Variants in PTER observed in about 807,000 individuals in gnomAD.
PTER encodes N-acetyltaurine hydrolase.
A neutral mutation model predicts 29.6 loss-of-function variants in PTER; 38 were observed. The observed-to-expected ratio is 1.28, with a 90% CI of 0.99 to 1.68. The LOEUF (loss-of-function observed/expected upper bound fraction) is 1.68, where lower values mean the gene tolerates loss of function less well. Among genes scored for constraint, PTER ranks in the 40% most tolerant of loss-of-function variants. The pLI, the probability that PTER is intolerant of heterozygous loss-of-function variation, is 0.00. For missense variants in PTER, 482 were observed against 427.8 expected (o/e 1.13, Z -1.12); for synonymous variants, 172 against 154.5 (o/e 1.11, Z -0.84).
At chr10:16,458,109 A>G (rs1834477939) in intron 1 of PTER, among the ~76,000 whole-genome samples, 1 of 152,246 alleles carries the variant, frequency 6.6e-6, no homozygotes, top group Non-Finnish European at 1.5e-5. Context: ...AAACAAAACA[A>G]AAGAAACCCT....
rs117118213 is a variant in PTER at position 16,447,990 on chromosome 10, A to T, written c.-49+10943A>T. ...TTGATGATGGAATGCTGCTGTGTAC[A>T]CCCTACTTTCTGGTTGGATGGGTCA... On this transcript the variant is annotated intron_variant, in intron 1 of 4. Coordinates refer to ENST00000535784, the MANE Select transcript of PTER (RefSeq NM_001261836.2). Among the ~76,000 whole-genome samples the T allele has an allele frequency of 2.9e-3, 436 of 152,184 alleles. 6 individuals carry two copies. The East Asian group carries it at 0.047, about 16-fold the overall frequency.
At chr10:16,500,848 C>T (rs1836308970) in intron 3 of PTER, among the ~76,000 whole-genome samples, 1 of 152,028 alleles carries the variant, frequency 6.6e-6, no homozygotes, top group African/African-American at 2.4e-5. Flanking sequence ...TCAAGCAATC[C>T]TCCTCACTCA....
chr10:16,462,010 A>C (rs1310746354), intron 1 of PTER, among the ~76,000 whole-genome samples: 1 of 150,280 alleles, frequency 6.7e-6, no homozygotes, highest in East Asian at 1.9e-4. Context: ...TTTGAGACGA[A>C]GTCTTGCTCT....
intron 1 of PTER, among the ~76,000 whole-genome samples, chr10:16,453,075 A>G (rs1834272336): frequency 6.6e-6 from 1 of 152,078 alleles, no homozygotes; most frequent in African/African-American, 2.4e-5. Flanking sequence ...TTAATATAAT[A>G]GAGATGGGGT....
intron 1 of PTER, among the ~76,000 whole-genome samples, chr10:16,457,185 C>T (rs1166946011): frequency 6.6e-6 from 1 of 151,384 alleles, no homozygotes; most frequent in African/African-American, 2.4e-5. Flanking sequence ...ATACGTTTAA[C>T]CCTTTAGTTG....
intron 3 of PTER, among the ~76,000 whole-genome samples, chr10:16,502,287 C>T (rs1172445438): frequency 2.6e-5 from 4 of 152,116 alleles, no homozygotes; most frequent in Non-Finnish European, 4.4e-5. Context: ...TACCTCTTCC[C>T]GCTTACATTA....
At chr10:16,440,592 C>T (rs575555416) in intron 1 of PTER, among the ~76,000 whole-genome samples, 24 of 152,272 alleles carry the variant, frequency 1.6e-4, no homozygotes, top group Admixed American at 4.6e-4. Context: ...GGTATGTCCA[C>T]GTGACTTGTT....
At chr10:16,488,954 A>G (rs912633728) in intron 3 of PTER, among the ~76,000 whole-genome samples, 5 of 152,170 alleles carry the variant, frequency 3.3e-5, no homozygotes, top group African/African-American at 9.7e-5. Context: ...TCCTGAATGT[A>G]AGGATGTACC....
intron 1 of PTER, among the ~76,000 whole-genome samples, chr10:16,462,966 T>G (rs897667662): frequency 8.0e-5 from 12 of 150,108 alleles, no homozygotes; most frequent in Non-Finnish European, 1.5e-4. Context: ...GGCCGAGGAG[T>G]GCAAATCACA....
chr10:16,506,415 G>C (rs1836568048), intron 4 of PTER, among the ~76,000 whole-genome samples: 1 of 152,170 alleles, frequency 6.6e-6, no homozygotes, highest in South Asian at 2.1e-4. Flanking sequence ...AATGAGTCCA[G>C]GGAAGTGGTG....
chr10:16,511,361 A>G lies in PTER; in HGVS notation c.*105A>G. 9.6e-7 allele frequency: 1 copy of G among 1,038,158 alleles called. No individual in the cohort carries two copies. The allele number at this position is 1,038,158 out of a possible 1,614,324, so 64.3% of individuals were successfully genotyped here. A position where few individuals can be genotyped will look rare whatever the true frequency, so the allele number is the denominator to read the frequency against. On this transcript the variant is annotated 3_prime_UTR_variant, in exon 5 of 5. Coordinates refer to ENST00000535784, the MANE Select transcript of PTER (RefSeq NM_001261836.2). ...TAATCAGTTACCTAGGACTAATGAC[A>G]GATCATTTCCTTCTGATGAGAACTA...
downstream of PTER, among the ~76,000 whole-genome samples, chr10:16,517,462 G>C (rs1564417498): frequency 2.0e-5 from 3 of 152,078 alleles, 1 homozygote; most frequent in Admixed American, 2.0e-4. Context: ...TTTCATTCGA[G>C]TGGCTTATTT....
In PTER at chr10:16,470,472, T is replaced by G. The variant is rs2133414458; in HGVS notation, c.-48-13865T>G. On this transcript the variant is annotated intron_variant, in intron 1 of 4. Coordinates refer to ENST00000535784, the MANE Select transcript of PTER (RefSeq NM_001261836.2). ...CCTGTTGAGGCTTTTCGCCCTCCAT[T>G]AAAAGGGTTTCTTGGGAGGGAGCGG... is the stretch of plus-strand genomic sequence containing the variant. 2.6e-5 allele frequency among the ~76,000 whole-genome samples: 4 copies of G among 152,318 alleles called. No individual in the cohort carries two copies. The South Asian group carries it at 8.3e-4, about 32-fold the overall frequency.
At chr10:16,485,404 G>A (rs1261078260) in intron 2 of PTER, among the ~76,000 whole-genome samples, 1 of 152,038 alleles carries the variant, frequency 6.6e-6, no homozygotes, top group Non-Finnish European at 1.5e-5. Context: ...AAAAGAATAA[G>A]GTGCAAAACC....
chr10:16,491,387 A>G (rs1835892271), intron 3 of PTER, among the ~76,000 whole-genome samples: 1 of 152,206 alleles, frequency 6.6e-6, no homozygotes, highest in Non-Finnish European at 1.5e-5. Flanking sequence ...TGTTCACAGC[A>G]AGACAGTGGC....
At chr10:16,456,862 T>TGGAG (rs1554787512) in intron 1 of PTER, among the ~76,000 whole-genome samples, 1 of 113,598 alleles carries the variant, frequency 8.8e-6, no homozygotes, top group Non-Finnish European at 1.9e-5. Flanking sequence ...ATGGGGAAGG[T>TGGAG]GGGGGGGGGT....
intron 3 of PTER, among the ~76,000 whole-genome samples, chr10:16,495,474 A>G (rs1346076779): frequency 2.0e-5 from 3 of 152,156 alleles, no homozygotes; most frequent in Non-Finnish European, 4.4e-5. Context: ...CCAACCTTCA[A>G]TTACTTTTTT....
In PTER at chr10:16,457,196, TTTTGTTTG is replaced by T. The variant is rs140911123; in HGVS notation, c.-49+20173_-49+20180del. 1.4e-3 allele frequency among the ~76,000 whole-genome samples: 217 copies of T among 151,528 alleles called. 2 individuals carry two copies. The highest frequency in any genetic ancestry group is 5.2e-3 in the Admixed American group (79 of 15,228). On this transcript the variant is annotated intron_variant, in intron 1 of 4. Coordinates refer to ENST00000535784, the MANE Select transcript of PTER (RefSeq NM_001261836.2). ...TTTAATACGTTTAACCCTTTAGTTG[TTTTGTTTG>T]TTTGTTTGTTTGTTTGTTTGTTTTT...
At chr10:16,453,664 G>T (rs1348988298) in intron 1 of PTER, among the ~76,000 whole-genome samples, 1 of 152,130 alleles carries the variant, frequency 6.6e-6, no homozygotes, top group Non-Finnish European at 1.5e-5. Flanking sequence ...CTGGAATATG[G>T]TTCATTTAAG....
Sources: gnomAD v4.1 joint callset for allele counts (sites outside exome capture counted in the v4.1 genomes callset) on GRCh38, gnomAD v4.1.1 for gene constraint, MANE v1.5 for transcripts, NCBI Gene and HGNC (gene_info 2026-07-23, HGNC 2026-07-21) for gene names.